The following PRAG1 variants were observed in gnomAD, a reference collection of about 807,000 sequenced individuals.
PRAG1 encodes the protein inactive tyrosine-protein kinase PRAG1.
Under a neutral mutation model 95.6 loss-of-function variants are expected in PRAG1, and 110 were observed. The observed-to-expected ratio is 1.15, with a 90% CI of 0.99 to 1.35. The LOEUF is 1.35. PRAG1 is among the 40% of genes most tolerant of loss of function. The pLI is 0.00. For missense variants in PRAG1, 2,554 were observed against 1,864.7 expected (o/e 1.37, Z -6.81); for synonymous variants, 1,052 against 819.4 (o/e 1.28, Z -4.85).
intron 4 of PRAG1, 133 bp downstream of exon 4, chr8:8,339,345 G>A (rs1799093318): frequency 1.1e-6 from 1 of 921,500 alleles, no homozygotes; most frequent in African/African-American, 1.7e-5. Context: ...CTCCCTGGAA[G>A]AGTCTACTTC....
intron 5 of PRAG1, among the ~76,000 whole-genome samples, chr8:8,324,123 C>A (rs1055232269): frequency 6.6e-6 from 1 of 152,206 alleles, no homozygotes; most frequent in Non-Finnish European, 1.5e-5. Flanking sequence ...ATGGTGACTG[C>A]TCTTGCCATC....
At chr8:8,324,632 C>G (rs116264810) in intron 5 of PRAG1, among the ~76,000 whole-genome samples, 1,891 of 152,242 alleles carry the variant, frequency 0.012, 40 homozygotes, top group African/African-American at 0.042. Context: ...ATTTTTAGCT[C>G]TAGAACTTTA....
chr8:8,377,843 T>C lies in PRAG1; in HGVS notation c.566A>G (p.His189Arg), dbSNP rs755051638. The C allele has an allele frequency of 4.3e-6, 7 of 1,614,142 alleles. No individual in the cohort carries two copies. The highest frequency in any genetic ancestry group is 3.4e-6 in the Non-Finnish European group (4 of 1,180,042). ...PVSFPEEKAV[H>R]KEKPSFPYQD... ...GTAAGGAAATGAGGGTTTTTCTTTG[T>C]GCACAGCCTTCTCCTCCGGGAAGCT... Residue 189 changes from histidine (H) to arginine (R), a missense_variant, in exon 3 of 6, where the codon CAC becomes CGC. Coordinates refer to ENST00000615670, the MANE Select transcript of PRAG1 (RefSeq NM_001080826.3).
intron 3 of PRAG1, among the ~76,000 whole-genome samples, chr8:8,372,154 A>G (rs1487086480): frequency 6.6e-6 from 1 of 152,188 alleles, no homozygotes. Flanking sequence ...GTGAAAAAGC[A>G]AAAGGCAGAA....
chr8:8,376,493 A>T lies in PRAG1; in HGVS notation c.1916T>A (p.Ile639Lys). ...CTGCTCCACCTCCTCTTCTTCCTCT[A>T]TCCGGCACTGACGACTCCAGGTGCC... ...QAGTWSRQCR[I>K]EEEEEVEQEL... The change falls in exon 3 of 6, where the codon ATA (isoleucine) becomes AAA (lysine). Residue 639 changes from isoleucine to lysine, a missense_variant. By Grantham distance (102) the Ile-to-Lys change is moderately radical. Transcript: ENST00000615670. The T allele has an allele frequency of 6.2e-7, 1 of 1,612,932 alleles. No homozygotes were observed. Among genetic ancestry groups the T allele is most frequent in the Non-Finnish European group, 8.5e-7 (1 of 1,179,374 alleles).
chr8:8,344,869 G>A (rs1799281748), intron 3 of PRAG1, among the ~76,000 whole-genome samples: 2 of 152,150 alleles, frequency 1.3e-5, no homozygotes, highest in African/African-American at 2.4e-5. Context: ...TTCCACCACA[G>A]AGCACCCCTG....
chr8:8,385,434 A>T (rs62497500), intron 1 of PRAG1, among the ~76,000 whole-genome samples: 25,263 of 152,178 alleles, frequency 0.17, 2,657 homozygotes, highest in East Asian at 0.28. Flanking sequence ...AACCAACCAG[A>T]CCTCAGGAGA....
chr8:8,347,437 C>T (rs555805787), intron 3 of PRAG1, among the ~76,000 whole-genome samples: 1 of 152,246 alleles, frequency 6.6e-6, no homozygotes, highest in South Asian at 2.1e-4. Flanking sequence ...CTTTCAATCT[C>T]CAATTGTCTT....
At chr8:8,322,990 A>G (rs1798520492) in intron 5 of PRAG1, among the ~76,000 whole-genome samples, 1 of 152,228 alleles carries the variant, frequency 6.6e-6, no homozygotes, top group African/African-American at 2.4e-5. Context: ...TATTTGGCTC[A>G]GAATAAATCT....
intron 3 of PRAG1, among the ~76,000 whole-genome samples, chr8:8,353,941 T>A (rs1386391250): frequency 1.4e-5 from 2 of 145,850 alleles, no homozygotes; most frequent in African/African-American, 2.5e-5. Context: ...AGAACAAAAA[T>A]AAATAAAATA....
chr8:8,364,835 G>A (rs533306175), intron 3 of PRAG1, among the ~76,000 whole-genome samples: 1 of 152,176 alleles, frequency 6.6e-6, no homozygotes, highest in East Asian at 1.9e-4. Flanking sequence ...GAACTGTAAG[G>A]ATCTTCTCTA....
At position 8,318,515 on chromosome 8, in the gene PRAG1, AG is replaced by A. The variant is rs1563222279; in HGVS notation, c.3859del (p.Leu1287CysfsTer71). 3.7e-6 allele frequency: 6 copies of A among 1,611,846 alleles called. No individual in the cohort carries two copies. The highest frequency in any genetic ancestry group is 5.1e-6 in the Non-Finnish European group (6 of 1,179,616). On this transcript the variant is annotated frameshift_variant, in exon 6 of 6. Transcript: ENST00000615670. LOFTEE classifies it high-confidence loss of function. This position sits in a 1 kb window ranked among gnomAD's most constrained non-coding sequence, Gnocchi z 4.2. ...LRERDYRQED[L>X]PPLPALSLYS... ...GAGGGACAGCGCGGGCAGCGGCGGCAGGTCCTCCTGCCGGTAGTCTCTCTCC... is the reference window on the plus strand; with the variant it reads ...GAGGGACAGCGCGGGCAGCGGCGGCAGTCCTCCTGCCGGTAGTCTCTCTCC...
intron 5 of PRAG1, among the ~76,000 whole-genome samples, chr8:8,323,293 G>A (rs1281324894): frequency 6.6e-6 from 1 of 150,454 alleles, no homozygotes; most frequent in Non-Finnish European, 1.5e-5. Context: ...AGATCTGATG[G>A]CTTTATAAGG....
Position 8,318,066 on chromosome 8 carries a change from T to C in PRAG1, c.*88A>G, listed in dbSNP as rs1248946595. 7 of 1,311,592 alleles carry C rather than the reference T, an allele frequency of 5.3e-6. No individual in the cohort carries two copies. The highest frequency in any genetic ancestry group is 1.5e-5 in the African/African-American group (1 of 67,100). The allele number at this position is 1,311,592 out of a possible 1,614,324, so 81.2% of individuals were successfully genotyped here. ...CCAGGTATCCCAGTCATCTGTACCA[T>C]TTCCCAGGGAGACATGGGTGCTTCC... On this transcript the variant is annotated 3_prime_UTR_variant, in exon 6 of 6. Coordinates refer to ENST00000615670, the MANE Select transcript of PRAG1 (RefSeq NM_001080826.3). The surrounding 1 kb of genome is among the most constrained non-coding windows in gnomAD (Gnocchi z 4.2).
At chr8:8,346,221 C>T (rs574735216) in intron 3 of PRAG1, among the ~76,000 whole-genome samples, 1 of 152,244 alleles carries the variant, frequency 6.6e-6, no homozygotes, top group African/African-American at 2.4e-5. Flanking sequence ...TGCAAACCAT[C>T]TGCAAAATAC....
chr8:8,320,495 G>C (rs911122346), intron 5 of PRAG1, among the ~76,000 whole-genome samples: 1 of 152,114 alleles, frequency 6.6e-6, no homozygotes, highest in Non-Finnish European at 1.5e-5. Flanking sequence ...AGAGAGTCTT[G>C]AACCAGCCGT....
chr8:8,369,531 G>A (rs1169904739), intron 3 of PRAG1, among the ~76,000 whole-genome samples: 1 of 152,034 alleles, frequency 6.6e-6, no homozygotes, highest in East Asian at 1.9e-4. Context: ...TGCCTTTCTG[G>A]AAAACGAAAT....
intron 4 of PRAG1, among the ~76,000 whole-genome samples, chr8:8,337,104 A>C (rs2979226): frequency 0.14 from 21,541 of 152,252 alleles, 1,823 homozygotes; most frequent in East Asian, 0.27. Context: ...GCAGATTCTT[A>C]CTGACAAAAT....
intron 3 of PRAG1, among the ~76,000 whole-genome samples, chr8:8,364,756 C>G (rs4840339): frequency 1.3e-5 from 2 of 151,870 alleles, no homozygotes; most frequent in Admixed American, 6.6e-5. Flanking sequence ...TGTATGGTCA[C>G]GGCTCCACCT....
Sources: allele counts gnomAD v4.1 joint callset (sites outside exome capture counted in the v4.1 genomes callset), GRCh38; gene constraint gnomAD v4.1.1; non-coding constraint Gnocchi (gnomAD v3.1); transcripts MANE v1.5; gene names NCBI Gene and HGNC (gene_info 2026-07-23, HGNC 2026-07-21).